SAMD4A: variants seen among roughly 807,000 people sequenced by gnomAD.
The protein encoded by SAMD4A is protein Smaug homolog 1.
SAMD4A carries 33 observed loss-of-function variants against 81.3 expected under a neutral mutation model. That is an observed-to-expected ratio of 0.41 (90% CI 0.31 to 0.54). SAMD4A has a LOEUF of 0.54. Among genes scored for constraint, SAMD4A ranks in the 20% least tolerant of loss-of-function variants. SAMD4A has a pLI of 0.37. For missense variants in SAMD4A, 854 were observed against 951.1 expected (o/e 0.90, Z 1.34); for synonymous variants, 389 against 382.1 (o/e 1.02, Z -0.21).
chr14:54,617,517 T>C (rs1303819422), intron 2 of SAMD4A, among the ~76,000 whole-genome samples: 2 of 152,302 alleles, frequency 1.3e-5, no homozygotes, highest in East Asian at 3.9e-4. Flanking sequence ...ACATTTTAAG[T>C]TGGCCAGGTC....
At chr14:54,696,038 T>G (rs1231853549) in intron 2 of SAMD4A, among the ~76,000 whole-genome samples, 2 of 152,012 alleles carry the variant, frequency 1.3e-5, no homozygotes, top group African/African-American at 4.8e-5. Context: ...AAACACTACT[T>G]GCAGCTGTAA....
chr14:54,759,186 A>G (rs2038325374), intron 6 of SAMD4A, among the ~76,000 whole-genome samples: 1 of 152,254 alleles, frequency 6.6e-6, no homozygotes, highest in East Asian at 1.9e-4. Context: ...ATTCCTCTCC[A>G]GAATGATCCT....
intron 2 of SAMD4A, among the ~76,000 whole-genome samples, chr14:54,630,562 A>G (rs764875659): frequency 1.2e-4 from 19 of 152,130 alleles, no homozygotes; most frequent in Non-Finnish European, 1.9e-4. Context: ...GGAGTTCTTT[A>G]TATATTCTGA....
chr14:54,568,746 G>T (rs1161418238), intron 2 of SAMD4A, among the ~76,000 whole-genome samples: 2 of 114,764 alleles, frequency 1.7e-5, no homozygotes, highest in Admixed American at 1.0e-4. Flanking sequence ...TATATAATGC[G>T]GTTAAGCTTA....
At chr14:54,711,008 A>T (rs1212217443) in intron 3 of SAMD4A, among the ~76,000 whole-genome samples, 3 of 152,150 alleles carry the variant, frequency 2.0e-5, no homozygotes, top group Non-Finnish European at 2.9e-5. Flanking sequence ...CATCCTCAAT[A>T]TGCCCCTCTA....
intron 2 of SAMD4A, among the ~76,000 whole-genome samples, chr14:54,637,626 C>T (rs1176489548): frequency 1.3e-5 from 2 of 152,072 alleles, no homozygotes; most frequent in African/African-American, 4.8e-5. Context: ...GAAAGAGCCT[C>T]GTGGACACAG....
intron 2 of SAMD4A, among the ~76,000 whole-genome samples, chr14:54,626,057 T>TGCGCGCGCGC (rs71446502): frequency 2.8e-5 from 3 of 105,794 alleles, no homozygotes; most frequent in Admixed American, 1.8e-4. Flanking sequence ...TGTGTGTGTG[T>TGCGCGCGCGC]GTGCGCGCGC....
intron 2 of SAMD4A, among the ~76,000 whole-genome samples, chr14:54,632,264 C>T (rs980517275): frequency 2.0e-5 from 3 of 152,156 alleles, no homozygotes; most frequent in African/African-American, 7.2e-5. Context: ...TGGCTGTACC[C>T]TTTTTCCTTT....
In SAMD4A at chr14:54,784,796, C is replaced by T. The variant is rs745480693; in HGVS notation, c.2128+176C>T. Among the ~76,000 whole-genome samples the T allele has an allele frequency of 1.7e-4, 26 of 152,256 alleles. 1 individual carries two copies. The South Asian group carries it at 2.3e-3, about 13-fold the overall frequency. On this transcript the variant is annotated intron_variant, in intron 12 of 12. Transcript: ENST00000554335. The stretch of plus-strand genomic sequence containing the variant: ...AGGGTACTGTTGGACCATTTTCCAG[C>T]GGCACCATGCCAAGTGGCCAGTGCC...
intron 2 of SAMD4A, among the ~76,000 whole-genome samples, chr14:54,616,471 T>C (rs2034495081): frequency 6.6e-6 from 1 of 152,210 alleles, no homozygotes; most frequent in Non-Finnish European, 1.5e-5. Flanking sequence ...TATGTAGCTG[T>C]GTGTGTCTTG....
Position 54,568,109 on chromosome 14 carries a change from C to G in SAMD4A, c.193C>G (p.Pro65Ala), listed in dbSNP as rs1040195554. 8.5e-6 allele frequency: 13 copies of G among 1,521,968 alleles called. No homozygotes were observed. The African/African-American group carries it at 1.7e-4, about 20-fold the overall frequency. 94.3% of individuals were successfully genotyped at this position (1,521,968 alleles called of 1,614,324 possible). A position where few individuals can be genotyped will look rare whatever the true frequency, so the allele number is the denominator to read the frequency against. ...LHVLEREANS[P>A]GIINQWQQES... is the part of the protein sequence containing the mutation. ...CGTCCTCGAACGCGAGGCCAACAGC[C>G]CCGGTAAGTGTGCGGCGGCCGCCGC... Residue 65 changes from proline to alanine, a missense_variant, in exon 2 of 13, where the codon CCC becomes GCC. By Grantham distance (27) the Pro-to-Ala change is conservative (BLOSUM62 -1). Around this residue, in one of 3 missense-constraint regions of SAMD4A, gnomAD observed 387 missense variants for 405.8 expected, o/e 0.95. Coordinates refer to ENST00000554335, the MANE Select transcript of SAMD4A (RefSeq NM_015589.6).
intron 11 of SAMD4A, 95 bp downstream of exon 11, chr14:54,776,635 C>A: frequency 7.6e-7 from 1 of 1,316,254 alleles, no homozygotes; most frequent in South Asian, 1.8e-5. Context: ...CCTCGACTGT[C>A]ACCGTGCATT....
chr14:54,746,876 C>G (rs766692475), intron 4 of SAMD4A, among the ~76,000 whole-genome samples: 1 of 152,224 alleles, frequency 6.6e-6, no homozygotes, highest in African/African-American at 2.4e-5. Context: ...AACCTGGTGA[C>G]AGAGTGGTAA....
rs562022636 is a variant in SAMD4A, at chr14:54,624,775, GA to G, written c.196+56664del. ...TATAAAGGGCAACCTGGGGAGAAGA[GA>G]TTTTTTTTTTTGTTGTTTGGAGGTA... On this transcript the variant is annotated intron_variant, in intron 2 of 12. Coordinates refer to ENST00000554335, the MANE Select transcript of SAMD4A (RefSeq NM_015589.6). Among the ~76,000 whole-genome samples, 7 of 148,232 alleles carry G rather than the reference GA, an allele frequency of 4.7e-5. No homozygotes were observed. In the East Asian group the frequency reaches 1.4e-3, roughly 29 times the overall value.
At chr14:54,608,752 T>A (rs1037467221) in intron 2 of SAMD4A, among the ~76,000 whole-genome samples, 6 of 152,190 alleles carry the variant, frequency 3.9e-5, no homozygotes, top group Non-Finnish European at 8.8e-5. Flanking sequence ...AAGAAGGCTC[T>A]TTCTTAGGTA....
At chr14:54,643,303 ACT>A (rs2035215347) in intron 2 of SAMD4A, among the ~76,000 whole-genome samples, 1 of 152,204 alleles carries the variant, frequency 6.6e-6, no homozygotes, top group South Asian at 2.1e-4. Flanking sequence ...GATGAGCCTA[ACT>A]CAATACAAAC....
chr14:54,789,857 A>G lies in SAMD4A; in HGVS notation c.*913A>G, dbSNP rs559094176. 1 of 152,368 alleles carries G rather than the reference A, an allele frequency of 6.6e-6. No individual in the cohort carries two copies. Among genetic ancestry groups the G allele is most frequent in the African/African-American group, 2.4e-5 (1 of 41,574 alleles). The allele number at this position is 152,368 out of a possible 1,614,324, so 9.4% of individuals were successfully genotyped here. A position where few individuals can be genotyped will look rare whatever the true frequency, so the allele number is the denominator to read the frequency against. ...CACAGCATTGGGTGAGCGCACAAGG[A>G]TGAGGACATCATGTGATCAGTTATG... On this transcript the variant is annotated 3_prime_UTR_variant, in exon 13 of 13. Transcript: ENST00000554335.
intron 11 of SAMD4A, among the ~76,000 whole-genome samples, chr14:54,777,892 T>C (rs373835768): frequency 8.5e-5 from 13 of 152,356 alleles, no homozygotes; most frequent in African/African-American, 3.1e-4. Context: ...CATATTTCTA[T>C]ATGCTTAGCT....
At chr14:54,702,694 C>A (rs2036750980) in intron 3 of SAMD4A, 114 bp downstream of exon 3, 2 of 1,289,376 alleles carry the variant, frequency 1.6e-6, no homozygotes, top group African/African-American at 1.5e-5. Context: ...GAGAGAAGGA[C>A]TGATTGGAAT....
Sources: allele counts gnomAD v4.1 joint callset (sites outside exome capture counted in the v4.1 genomes callset), GRCh38; gene constraint gnomAD v4.1.1; regional missense constraint gnomAD v4.1.1; transcripts MANE v1.5; gene names NCBI Gene and HGNC (gene_info 2026-07-23, HGNC 2026-07-21).